FBXL7: variants seen among roughly 807,000 people sequenced by gnomAD.
The protein encoded by FBXL7 is F-box and leucine rich repeat protein 7, also known as F-box/LRR-repeat protein 7.
A neutral mutation model predicts 38.3 loss-of-function variants in FBXL7; 12 were observed. The ratio of observed to expected loss-of-function variants is 0.31; its 90% CI spans 0.20 to 0.51. The LOEUF is 0.51. FBXL7 is among the 20% of genes least tolerant of loss of function. The pLI is 0.98. For missense variants in FBXL7, 567 were observed against 676.4 expected, an observed-to-expected ratio of 0.84 and a Z score of 1.79; for synonymous variants, 297 against 300.9, an observed-to-expected ratio of 0.99 and a Z score of 0.13.
chr5:15,564,406 GTGTGTGTGTA>G (rs944883202), intron 1 of FBXL7, among the ~76,000 whole-genome samples: 1 of 150,986 alleles, frequency 6.6e-6, no homozygotes, highest in African/African-American at 2.4e-5. Flanking sequence ...GTGTGTGTGT[GTGTGTGTGTA>G]TGTGTATACA....
chr5:15,632,501 C>T (rs935997204), intron 2 of FBXL7, among the ~76,000 whole-genome samples: 8 of 152,190 alleles, frequency 5.3e-5, no homozygotes, highest in Admixed American at 1.3e-4. Flanking sequence ...AACTGCTATT[C>T]GACTCAGCAA....
intron 2 of FBXL7, among the ~76,000 whole-genome samples, chr5:15,620,219 ATTCTTTTT>A (rs1421819390): frequency 6.7e-6 from 1 of 148,508 alleles, no homozygotes; most frequent in African/African-American, 2.5e-5. Context: ...ATCACAAACT[ATTCTTTTT>A]TTCTTTTTTT....
chr5:15,803,966 G>C (rs1214631993), intron 2 of FBXL7, among the ~76,000 whole-genome samples: 3 of 152,130 alleles, frequency 2.0e-5, no homozygotes, highest in Admixed American at 6.5e-5. Flanking sequence ...AGAAGAACCA[G>C]TCAACCACAT....
chr5:15,804,718 TCTCACA>T, intron 2 of FBXL7, among the ~76,000 whole-genome samples: 1 of 152,056 alleles, frequency 6.6e-6, no homozygotes, highest in Non-Finnish European at 1.5e-5. Flanking sequence ...AGCATTAGAT[TCTCACA>T]GGAGTGAGAA....
intron 2 of FBXL7, among the ~76,000 whole-genome samples, chr5:15,664,787 G>T (rs185068458): frequency 6.6e-6 from 1 of 151,514 alleles, no homozygotes; most frequent in Admixed American, 6.6e-5. Context: ...TTCTTCAAGC[G>T]TCCTAACTCC....
At chr5:15,693,347 G>A (rs1019410957) in intron 2 of FBXL7, among the ~76,000 whole-genome samples, 3 of 152,278 alleles carry the variant, frequency 2.0e-5, no homozygotes, top group East Asian at 1.9e-4. Context: ...ACAGGCACAA[G>A]CTCCCCCGGG....
At chr5:15,700,097 T>C (rs549416868) in intron 2 of FBXL7, among the ~76,000 whole-genome samples, 3 of 152,300 alleles carry the variant, frequency 2.0e-5, no homozygotes, top group Admixed American at 2.0e-4. Context: ...CGATGTTTGA[T>C]TTTTCCACCA....
chr5:15,620,383 C>G (rs1170799242), intron 2 of FBXL7, among the ~76,000 whole-genome samples: 1 of 150,490 alleles, frequency 6.6e-6, no homozygotes, highest in Admixed American at 6.6e-5. Flanking sequence ...CAGACACATG[C>G]CACCACGCCC....
rs191481270 is a variant in FBXL7 at position 15,812,148 on chromosome 5, T to C, written c.128-115742T>C. Among the ~76,000 whole-genome samples, 9 of 152,304 alleles carry C rather than the reference T, an allele frequency of 5.9e-5. No homozygotes were observed. In the East Asian group the frequency reaches 1.5e-3, roughly 26 times the overall value. On this transcript the variant is annotated intron_variant, in intron 2 of 3. Transcript: ENST00000504595. ...GTGGCACATATACACCATGGAATAC[T>C]ATGCAGCCATAAAAAGGAATAAGTT...
intron 2 of FBXL7, among the ~76,000 whole-genome samples, chr5:15,704,972 A>AC (rs1318815804): frequency 1.3e-5 from 2 of 151,722 alleles, no homozygotes; most frequent in South Asian, 2.1e-4. Context: ...CTAGGTAAAA[A>AC]AAAAAAAATT....
chr5:15,617,406 G>A (rs569206989), intron 2 of FBXL7, among the ~76,000 whole-genome samples: 5 of 151,460 alleles, frequency 3.3e-5, no homozygotes, highest in African/African-American at 1.2e-4. Flanking sequence ...TACAAATCTC[G>A]TTAACTGATT....
intron 2 of FBXL7, among the ~76,000 whole-genome samples, chr5:15,666,137 A>G (rs1230504227): frequency 6.6e-6 from 1 of 152,210 alleles, no homozygotes; most frequent in Non-Finnish European, 1.5e-5. Flanking sequence ...GTATCGATTC[A>G]TAAATTGATA....
At chr5:15,633,651 G>T (rs1046123578) in intron 2 of FBXL7, among the ~76,000 whole-genome samples, 1 of 151,356 alleles carries the variant, frequency 6.6e-6, no homozygotes, top group African/African-American at 2.4e-5. Context: ...CTAAATGTCA[G>T]GTATTGTACT....
At chr5:15,856,161 C>T (rs12518662) in intron 2 of FBXL7, among the ~76,000 whole-genome samples, 28,145 of 151,752 alleles carry the variant, frequency 0.19, 2,719 homozygotes, top group Admixed American at 0.25. Flanking sequence ...ATGGTGGTGG[C>T]AAGAGAAAAT....
At chr5:15,625,738 T>C (rs902277528) in intron 2 of FBXL7, among the ~76,000 whole-genome samples, 3 of 152,104 alleles carry the variant, frequency 2.0e-5, no homozygotes, top group East Asian at 1.9e-4. Flanking sequence ...TTTTCTTTAA[T>C]TGGAAATATA....
chr5:15,562,500 G>T (rs1738440206), intron 1 of FBXL7, among the ~76,000 whole-genome samples: 2 of 152,092 alleles, frequency 1.3e-5, no homozygotes, highest in Admixed American at 1.3e-4. Context: ...ACAGGTATAT[G>T]AAAAGGTGCT....
intron 1 of FBXL7, among the ~76,000 whole-genome samples, chr5:15,610,849 A>C (rs986559210): frequency 6.6e-6 from 1 of 152,168 alleles, no homozygotes; most frequent in Non-Finnish European, 1.5e-5. Flanking sequence ...CAATAACCCT[A>C]TGAGGCAGGA....
In FBXL7 at chr5:15,536,002, G is replaced by A. The variant is rs181386109; in HGVS notation, c.37+35289G>A. Among the ~76,000 whole-genome samples the A allele has an allele frequency of 1.6e-4, 24 of 152,358 alleles. No individual in the cohort carries two copies. In the East Asian group the frequency reaches 4.6e-3, roughly 29 times the overall value. On this transcript the variant is annotated intron_variant, in intron 1 of 3. Coordinates refer to ENST00000504595, the MANE Select transcript of FBXL7 (RefSeq NM_012304.5). The stretch of plus-strand genomic sequence containing the variant: ...GGGCCTTGCTGCTCTGTGCAGCCTT[G>A]GGACTGAGCATCTTACCTCCCACCT...
chr5:15,865,166 A>G lies in FBXL7; in HGVS notation c.128-62724A>G, dbSNP rs73752337. Among the ~76,000 whole-genome samples the G allele has an allele frequency of 6.1e-3, 934 of 152,290 alleles. 17 individuals are homozygous for G. The highest frequency in any genetic ancestry group is 0.021 in the African/African-American group (878 of 41,582). ...CTCCAAACATCCATTCCAGCCCCCA[A>G]AAGGTCTCTGATGGGTAAGTAAGCA... is the stretch of plus-strand genomic sequence containing the variant. On this transcript the variant is annotated intron_variant, in intron 2 of 3. Transcript: ENST00000504595.
Sources: allele counts gnomAD v4.1 joint callset (sites outside exome capture counted in the v4.1 genomes callset), GRCh38; gene constraint gnomAD v4.1.1; transcripts MANE v1.5; gene names NCBI Gene and HGNC (gene_info 2026-07-23, HGNC 2026-07-21).